Variants in LRP5 observed in about 807,000 individuals in gnomAD.
LRP5 encodes the protein low-density lipoprotein receptor-related protein 5.
In LRP5, 62 loss-of-function variants were observed where a neutral mutation model predicts 154.1. That is an observed-to-expected ratio of 0.40 (90% confidence interval 0.33 to 0.50). The LOEUF (loss-of-function observed/expected upper bound fraction) is 0.50. Among genes scored for constraint, LRP5 ranks in the 20% least tolerant of loss-of-function variants. LRP5 has a pLI of 0.55. For synonymous variants in LRP5, 966 were observed against 1,011.5 expected (o/e 0.96, Z 0.85); for missense variants, 1,915 against 2,336.7 (o/e 0.82, Z 3.72).
intron 7 of LRP5, among the ~76,000 whole-genome samples, chr11:68,397,585 A>G (rs1207816078): frequency 1.3e-5 from 2 of 152,172 alleles, no homozygotes; most frequent in African/African-American, 4.8e-5. Context: ...GGAGGCTGGA[A>G]GCTGTGGCCC....
chr11:68,365,781 C>T (rs972016150), intron 5 of LRP5, 79 bp downstream of exon 5: 16 of 1,387,724 alleles, frequency 1.2e-5, no homozygotes, highest in Non-Finnish European at 1.5e-5. Flanking sequence ...GGGGGTGCCC[C>T]AGAAGGAACC....
At chr11:68,363,044 T>C (rs570293740) in intron 3 of LRP5, among the ~76,000 whole-genome samples, 1 of 152,388 alleles carries the variant, frequency 6.6e-6, no homozygotes, top group East Asian at 1.9e-4. Context: ...TGTAAGCATC[T>C]AGAAAAGAAT....
intron 18 of LRP5, among the ~76,000 whole-genome samples, chr11:68,435,159 G>T (rs1055182504): frequency 6.6e-6 from 1 of 152,252 alleles, no homozygotes. Context: ...CAAAGCCCCA[G>T]ACCTCACGTC....
chr11:68,444,109 C>G (rs1189525527), intron 21 of LRP5, among the ~76,000 whole-genome samples: 1 of 152,170 alleles, frequency 6.6e-6, no homozygotes, highest in Admixed American at 6.5e-5. Flanking sequence ...CGGGGTCTAT[C>G]AGGAGGCAGA....
the LRP5 span, among the ~76,000 whole-genome samples, chr11:68,306,575 G>A: frequency 4.7e-3 from 720 of 152,272 alleles, 18 homozygotes; most frequent in East Asian, 0.063. Flanking sequence ...ACATTCACAG[G>A]TCCCAGGGAT....
At chr11:68,327,407 C>T (rs2098600333) in intron 1 of LRP5, among the ~76,000 whole-genome samples, 1 of 152,234 alleles carries the variant, frequency 6.6e-6, no homozygotes, top group East Asian at 1.9e-4. Context: ...GTCACCCCAG[C>T]GCCTCTGCGG....
At chr11:68,432,006 C>A (rs1283721130) in intron 17 of LRP5, among the ~76,000 whole-genome samples, 1 of 152,218 alleles carries the variant, frequency 6.6e-6, no homozygotes, top group African/African-American at 2.4e-5. Flanking sequence ...AAGGACAGGG[C>A]CTCACTGAGG....
chr11:68,310,262 G>A (rs1485001972), upstream of LRP5, among the ~76,000 whole-genome samples: 1 of 152,148 alleles, frequency 6.6e-6, no homozygotes, highest in Admixed American at 6.5e-5. Context: ...GAGCCACGAG[G>A]CTAAGTGGGG....
chr11:68,320,750 C>A (rs562114710), intron 1 of LRP5, among the ~76,000 whole-genome samples: 2 of 152,140 alleles, frequency 1.3e-5, no homozygotes, highest in African/African-American at 2.4e-5. Context: ...ACATAAGCCA[C>A]GGTGCCAGCC....
chr11:68,424,372 G>A (rs1036756732), intron 14 of LRP5, among the ~76,000 whole-genome samples: 4 of 152,192 alleles, frequency 2.6e-5, no homozygotes, highest in Non-Finnish European at 5.9e-5. Context: ...CGTGACCTTG[G>A]GCGGGTGGCA....
chr11:68,360,847 A>G (rs1257025535), intron 3 of LRP5, among the ~76,000 whole-genome samples: 1 of 150,798 alleles, frequency 6.6e-6, no homozygotes, highest in Non-Finnish European at 1.5e-5. Context: ...AATACAAAAC[A>G]TTAGCCAGGT....
At chr11:68,425,019 A>C in intron 14 of LRP5, 83 bp from the exon 15 acceptor site, 1 of 1,303,356 alleles carries the variant, frequency 7.7e-7, no homozygotes, top group Non-Finnish European at 1.1e-6. Context: ...GGCTTTCCAC[A>C]GCCCAGCTGG....
rs759513973 is a variant in LRP5, at chr11:68,413,963, C to T, written c.2778C>T (p.Cys926=). The T allele has an allele frequency of 1.3e-5, 21 of 1,607,446 alleles. No individual in the cohort carries two copies. The highest frequency in any genetic ancestry group is 3.3e-5 in the Admixed American group (2 of 59,990). ...LCLAIPGGHR[C]GCASHYTLDP... ...TTGCCATCCCCGGCGGCCACCGCTG[C>T]GGCTGCGCCTCACACTACACCCTGG... The change falls in exon 12 of 23, where the codon TGC becomes TGT. Residue 926 remains cysteine (C), a synonymous_variant. Transcript: ENST00000294304. This position sits in a 1 kb window ranked among gnomAD's most constrained non-coding sequence, Gnocchi z 5.1.
chr11:68,422,034 C>T (rs1472226500), intron 13 of LRP5, among the ~76,000 whole-genome samples: 1 of 152,068 alleles, frequency 6.6e-6, no homozygotes, highest in African/African-American at 2.4e-5. Flanking sequence ...CTGAAGCGAT[C>T]CTCCCACCTC....
Position 68,449,187 on chromosome 11 carries a change from G to T in LRP5, c.*117G>T. On this transcript the variant is annotated 3_prime_UTR_variant, in exon 23 of 23. Transcript: ENST00000294304. ...AATATAATTGGGATTTTAAAAACAT[G>T]AGAAATGTGAACTGTGATGGGGTGG... 1.2e-5 allele frequency: 8 copies of T among 642,294 alleles called. No homozygotes were observed. The highest frequency in any genetic ancestry group is 3.6e-5 in the Admixed American group (1 of 27,802). 39.8% of individuals were successfully genotyped at this position (642,294 alleles called of 1,614,324 possible).
intron 7 of LRP5, among the ~76,000 whole-genome samples, chr11:68,399,396 T>A (rs934698243): frequency 6.6e-6 from 1 of 151,578 alleles, no homozygotes; most frequent in Non-Finnish European, 1.5e-5. Flanking sequence ...CCAAAAAACA[T>A]GTATTGGAAC....
Position 68,439,829 on chromosome 11 carries a change from G to A in LRP5, c.4401G>A (p.Arg1467=). ...GCTCCGTGAGCCTGATGGGGGGCCG[G>A]GGCGGGGTGCCCCTCTACGACCGGA... ...MMSSVSLMGG[R]GGVPLYDRNH... The change falls in exon 21 of 23, where the codon CGG becomes CGA. Residue 1467 remains arginine, a synonymous_variant. Transcript: ENST00000294304. 1 of 1,611,454 alleles carries A rather than the reference G, an allele frequency of 6.2e-7. No individual in the cohort carries two copies. The highest frequency in any genetic ancestry group is 8.5e-7 in the Non-Finnish European group (1 of 1,179,572).
chr11:68,352,158 C>T (rs2098619234), intron 2 of LRP5, among the ~76,000 whole-genome samples: 1 of 152,178 alleles, frequency 6.6e-6, no homozygotes, highest in African/African-American at 2.4e-5. Context: ...TACCGGGATC[C>T]TGGCGACAGA....
chr11:68,338,282 T>C (rs1184175110), intron 1 of LRP5, among the ~76,000 whole-genome samples: 2 of 152,202 alleles, frequency 1.3e-5, no homozygotes, highest in South Asian at 4.1e-4. Context: ...TAGCAAAGGA[T>C]TGGGTTACCT....
Sources: gnomAD v4.1 joint callset for allele counts (sites outside exome capture counted in the v4.1 genomes callset) on GRCh38, gnomAD v4.1.1 for gene constraint, Gnocchi (gnomAD v3.1) non-coding constraint, MANE v1.5 for transcripts, NCBI Gene and HGNC (gene_info 2026-07-23, HGNC 2026-07-21) for gene names.